CREBRF: variants seen among roughly 807,000 people sequenced by gnomAD.
CREBRF encodes the protein CREB3 regulatory factor.
CREBRF carries 5 observed loss-of-function variants against 66.1 expected under a neutral mutation model. The observed-to-expected ratio is 0.08, with a 90% CI of 0.04 to 0.16. The LOEUF is 0.16. Ranked by LOEUF, CREBRF falls within the 10% of genes least tolerant of loss-of-function variation. The pLI is 1.00. For synonymous variants in CREBRF, 229 were observed against 264.4 expected (o/e 0.87, Z 1.30); for missense variants, 531 against 744.9 (o/e 0.71, Z 3.34).
rs374100928 is a variant in CREBRF, at chr5:173,091,241, TGAA to T, written c.1068_1070del (p.Glu356del). The T allele has an allele frequency of 5.6e-6, 9 of 1,613,928 alleles. No individual in the cohort carries two copies. The African/African-American group carries it at 9.3e-5, about 17-fold the overall frequency. ...GTGAACAGCCAACTAAATGCAGTCC[TGAA>T]GAAGATGAGGAGGACGAGGAGGATG... On this transcript the variant is annotated inframe_deletion, in exon 4 of 9. Coordinates refer to ENST00000296953, the MANE Select transcript of CREBRF (RefSeq NM_153607.3).
At chr5:173,058,412 A>G (rs1177836639) in intron 1 of CREBRF, among the ~76,000 whole-genome samples, 3 of 152,192 alleles carry the variant, frequency 2.0e-5, no homozygotes, top group Admixed American at 1.3e-4. Flanking sequence ...AGTTAGCTGT[A>G]TTAAGAATTT....
chr5:173,100,379 T>C (rs1472879281), intron 4 of CREBRF, among the ~76,000 whole-genome samples: 1 of 151,920 alleles, frequency 6.6e-6, no homozygotes, highest in East Asian at 1.9e-4. Context: ...ATTCTGAATA[T>C]GACTGTTCTT....
rs1759556660 is a variant in CREBRF, at chr5:173,135,096, G to GA, written c.*1357dup. ...ATGTATATATATATATGTAAAGAAA[G>GA]AAAAAAGCTAAAAATATCTAATTCT... On this transcript the variant is annotated 3_prime_UTR_variant, in exon 9 of 9. Coordinates refer to ENST00000296953, the MANE Select transcript of CREBRF (RefSeq NM_153607.3). 1.3e-5 allele frequency: 2 copies of GA among 152,074 alleles called. No homozygotes were observed. The highest frequency in any genetic ancestry group is 2.1e-4 in the South Asian group (1 of 4,826). The allele number at this position is 152,074 out of a possible 1,614,324, so 9.4% of individuals were successfully genotyped here. A position where few individuals can be genotyped will look rare whatever the true frequency, so the allele number is the denominator to read the frequency against.
rs869148787 is a variant in CREBRF at position 173,082,003 on chromosome 5, G to GTTTT, written c.9+1244_9+1247dup. Among the ~76,000 whole-genome samples, 8 of 78,046 alleles carry GTTTT rather than the reference G, an allele frequency of 1.0e-4. 1 individual carries two copies. Among genetic ancestry groups the GTTTT allele is most frequent in the East Asian group, 3.3e-4 (1 of 3,020 alleles). 51.2% of individuals were successfully genotyped at this position (78,046 alleles called of 152,430 possible). On this transcript the variant is annotated intron_variant, in intron 2 of 8. Transcript: ENST00000296953. Reference sequence around the variant, plus strand: ...AGAGTGGTTGCCCATTCAAGGTTTAGTTTTTTTTTTTTTTTTTTTTTTTTT... The same window carrying GTTTT: ...AGAGTGGTTGCCCATTCAAGGTTTAGTTTTTTTTTTTTTTTTTTTTTTTTTTTTT...
At chr5:173,067,365 T>C (rs1348055412) in intron 1 of CREBRF, among the ~76,000 whole-genome samples, 1 of 152,138 alleles carries the variant, frequency 6.6e-6, no homozygotes, top group Non-Finnish European at 1.5e-5. Flanking sequence ...AGTTCTGTGG[T>C]TTTGAGCATC....
At chr5:173,081,718 A>C (rs1268481966) in intron 2 of CREBRF, among the ~76,000 whole-genome samples, 1 of 152,086 alleles carries the variant, frequency 6.6e-6, no homozygotes, top group Non-Finnish European at 1.5e-5. Context: ...TCAGGAGATC[A>C]AGACCAGCCT....
At chr5:173,062,747 C>CTTTTTTT (rs35042056) in intron 1 of CREBRF, among the ~76,000 whole-genome samples, 1 of 118,746 alleles carries the variant, frequency 8.4e-6, no homozygotes. Flanking sequence ...TAAAATCATT[C>CTTTTTTT]TTTTTTTTTT....
chr5:173,130,771 G>C (rs748498922), intron 8 of CREBRF, among the ~76,000 whole-genome samples: 1 of 151,942 alleles, frequency 6.6e-6, no homozygotes, highest in Non-Finnish European at 1.5e-5. Flanking sequence ...GTGCAGTGGC[G>C]TGATCTTGGC....
intron 8 of CREBRF, among the ~76,000 whole-genome samples, chr5:173,130,372 C>G (rs1759392805): frequency 6.6e-6 from 1 of 152,010 alleles, no homozygotes. Context: ...TGTGGATTGG[C>G]TTTTAACTGT....
chr5:173,139,030 A>G lies in CREBRF; in HGVS notation c.*5285A>G, dbSNP rs528676177. The G allele has an allele frequency of 5.5e-4, 84 of 152,078 alleles. No individual in the cohort carries two copies. Among genetic ancestry groups the G allele is most frequent in the African/African-American group, 1.9e-3 (80 of 41,492 alleles). The allele number at this position is 152,078 out of a possible 1,614,324, so 9.4% of individuals were successfully genotyped here. A position where few individuals can be genotyped will look rare whatever the true frequency, so the allele number is the denominator to read the frequency against. On this transcript the variant is annotated 3_prime_UTR_variant, in exon 9 of 9. Coordinates refer to ENST00000296953, the MANE Select transcript of CREBRF (RefSeq NM_153607.3). ...TTTTTCTCTCCCAACTGGAGCTATG[A>G]CACTTTTTATTGGATTCAGTCTTGT... is the stretch of plus-strand genomic sequence containing the variant.
intron 3 of CREBRF, among the ~76,000 whole-genome samples, chr5:173,089,194 A>C (rs1024192893): frequency 4.7e-5 from 7 of 150,060 alleles, no homozygotes; most frequent in African/African-American, 7.4e-5. Context: ...AAAAAAACAA[A>C]AAAAAAAACC....
At chr5:173,092,037 C>A in intron 4 of CREBRF, 2 of 391,616 alleles carry the variant, frequency 5.1e-6, no homozygotes, top group Non-Finnish European at 7.0e-6. Flanking sequence ...GCTGACATCG[C>A]ACCATTGCAC....
chr5:173,083,454 A>G (rs1284592887), intron 2 of CREBRF, among the ~76,000 whole-genome samples: 2 of 152,126 alleles, frequency 1.3e-5, no homozygotes, highest in African/African-American at 4.8e-5. Context: ...TATGGAATGG[A>G]CTGTGCCCTT....
intron 1 of CREBRF, among the ~76,000 whole-genome samples, chr5:173,063,730 C>CT (rs949087304): frequency 9.4e-4 from 137 of 145,042 alleles, no homozygotes; most frequent in African/African-American, 2.4e-3. Flanking sequence ...TTCTTTTTGA[C>CT]TTTTTTTTTT....
intron 6 of CREBRF, among the ~76,000 whole-genome samples, chr5:173,111,284 T>A (rs1340715709): frequency 6.6e-6 from 1 of 152,074 alleles, no homozygotes; most frequent in Non-Finnish European, 1.5e-5. Flanking sequence ...TGTCTTCCTT[T>A]TTTTTTTTGA....
chr5:173,107,412 A>C (rs571267140), intron 4 of CREBRF, among the ~76,000 whole-genome samples: 1 of 152,186 alleles, frequency 6.6e-6, no homozygotes, highest in Non-Finnish European at 1.5e-5. Context: ...AGGTCATTCA[A>C]TACTGGGTCT....
chr5:173,096,215 C>A (rs956650164), intron 4 of CREBRF, among the ~76,000 whole-genome samples: 4 of 152,072 alleles, frequency 2.6e-5, no homozygotes, highest in African/African-American at 7.2e-5. Context: ...GTGATCCGCC[C>A]GCCTTGGCCT....
chr5:173,074,148 C>T (rs974807398), intron 1 of CREBRF, among the ~76,000 whole-genome samples: 3 of 151,504 alleles, frequency 2.0e-5, no homozygotes, highest in Admixed American at 6.6e-5. Flanking sequence ...ACTAAAAATA[C>T]AAAATTAGCC....
At position 173,095,735 on chromosome 5, in the gene CREBRF, C is replaced by CTTCAG. The variant is rs564889459; in HGVS notation, c.1222+4337_1222+4341dup. Among the ~76,000 whole-genome samples the CTTCAG allele has an allele frequency of 5.9e-3, 896 of 151,262 alleles. 12 individuals are homozygous for CTTCAG. The highest frequency in any genetic ancestry group is 0.02 in the African/African-American group (834 of 41,266). ...AGGATATCTTTCTATTTATTTGTGT[C>CTTCAG]TTCAGTTTCTTTCACCAATGTTGTA... On this transcript the variant is annotated intron_variant, in intron 4 of 8. Coordinates refer to ENST00000296953, the MANE Select transcript of CREBRF (RefSeq NM_153607.3).
Sources: gnomAD v4.1 joint callset for allele counts (sites outside exome capture counted in the v4.1 genomes callset) on GRCh38, gnomAD v4.1.1 for gene constraint, MANE v1.5 for transcripts, NCBI Gene and HGNC (gene_info 2026-07-23, HGNC 2026-07-21) for gene names.